The following OPCML variants were observed in gnomAD, a reference collection of about 807,000 sequenced individuals.
OPCML encodes the protein opioid binding protein/cell adhesion molecule like, also known as opioid-binding protein/cell adhesion molecule.
A neutral mutation model predicts 37.8 loss-of-function variants in OPCML; 13 were observed. That is an observed-to-expected ratio of 0.34 (90% CI 0.22 to 0.55). OPCML has a LOEUF of 0.55. OPCML is among the 20% of genes least tolerant of loss of function. The pLI is 0.91. For missense variants in OPCML, 341 were observed against 435.6 expected, an observed-to-expected ratio of 0.78 and a Z score of 1.93; for synonymous variants, 176 against 168.8, an observed-to-expected ratio of 1.04 and a Z score of -0.33.
intron 4 of OPCML, among the ~76,000 whole-genome samples, chr11:132,437,823 C>T (rs1456713528): frequency 6.6e-6 from 1 of 152,198 alleles, no homozygotes; most frequent in South Asian, 2.1e-4. Flanking sequence ...ATACAAACTA[C>T]TACTTGTAGA....
At chr11:132,476,346 A>G (rs1006706820) in intron 4 of OPCML, among the ~76,000 whole-genome samples, 3 of 152,034 alleles carry the variant, frequency 2.0e-5, no homozygotes, top group Non-Finnish European at 4.4e-5. Flanking sequence ...CTGGGTATAT[A>G]CCCAAAGGAC....
rs1231529620 is a variant in OPCML, at chr11:133,212,121, C to A, written c.62-269111G>T. Reference sequence around the variant, plus strand: ...GAGGTGGGGGGTCAGGATCCTTCACCTGCTGGAACCTGAGCATGAAAGTAC... The same window carrying A: ...GAGGTGGGGGGTCAGGATCCTTCACATGCTGGAACCTGAGCATGAAAGTAC... On this transcript the variant is annotated intron_variant, in intron 1 of 7. Coordinates refer to ENST00000524381, the MANE Select transcript of OPCML (RefSeq NM_001012393.5). This position sits in a 1 kb window ranked among gnomAD's most constrained non-coding sequence, Gnocchi z 4.9. 6.7e-6 allele frequency among the ~76,000 whole-genome samples: 1 copy of A among 149,430 alleles called. No homozygotes were observed. Among genetic ancestry groups the A allele is most frequent in the African/African-American group, 2.6e-5 (1 of 38,874 alleles).
chr11:133,374,406 T>C (rs891066868), intron 1 of OPCML, among the ~76,000 whole-genome samples: 58 of 152,182 alleles, frequency 3.8e-4, no homozygotes, highest in Admixed American at 6.5e-4. Context: ...CTTCACTATA[T>C]TGGTTGTGAT....
chr11:132,657,097 T>C lies in OPCML; in HGVS notation c.369A>G (p.Leu123=). Residue 123 remains leucine, a synonymous_variant, in exon 3 of 8, where the codon CTA becomes CTG. Coordinates refer to ENST00000524381, the MANE Select transcript of OPCML (RefSeq NM_001012393.5). ...DNHPKTSRVH[L]IVQVPPQIMN... ...CCAGCTGGGACTTACCTTGCACTAT[T>C]AGGTGAACCCGGGACGTTTTGGGAT... 2.5e-6 allele frequency: 4 copies of C among 1,614,160 alleles called. No homozygotes were observed. Among genetic ancestry groups the C allele is most frequent in the Non-Finnish European group, 8.5e-7 (1 of 1,179,998 alleles).
At chr11:133,453,232 C>A (rs922950347) in intron 1 of OPCML, among the ~76,000 whole-genome samples, 4 of 152,116 alleles carry the variant, frequency 2.6e-5, no homozygotes, top group Non-Finnish European at 5.9e-5. Context: ...TGAAGCCTAT[C>A]AAAAATAAAG....
chr11:133,151,863 C>T (rs2137192784), intron 1 of OPCML, among the ~76,000 whole-genome samples: 1 of 152,244 alleles, frequency 6.6e-6, no homozygotes, highest in East Asian at 1.9e-4. Context: ...AGACCCCAGG[C>T]CCTCAGAAAC....
chr11:133,186,121 G>A (rs890211727), intron 1 of OPCML, among the ~76,000 whole-genome samples: 2 of 152,168 alleles, frequency 1.3e-5, no homozygotes, highest in Non-Finnish European at 2.9e-5. Flanking sequence ...GTTTGTTCAT[G>A]AGACTTGGCT....
At chr11:132,584,040 T>A (rs1039004228) in intron 3 of OPCML, among the ~76,000 whole-genome samples, 2 of 151,960 alleles carry the variant, frequency 1.3e-5, no homozygotes, top group Non-Finnish European at 2.9e-5. Flanking sequence ...AGCATATTAA[T>A]TCAAAAATCA....
At chr11:133,464,428 T>C (rs1243692570) in intron 1 of OPCML, among the ~76,000 whole-genome samples, 1 of 152,054 alleles carries the variant, frequency 6.6e-6, no homozygotes, top group Non-Finnish European at 1.5e-5. Flanking sequence ...TAAGAAAATA[T>C]GATGGGTTTG....
At chr11:133,484,146 GGATAGATAGATA>G (rs944894584) in intron 1 of OPCML, among the ~76,000 whole-genome samples, 1 of 125,242 alleles carries the variant, frequency 8.0e-6, no homozygotes, top group Non-Finnish European at 1.7e-5. Context: ...GATGATAGAT[GGATAGATAGATA>G]GATAGGTAGA....
chr11:132,749,907 C>CA (rs1300447406), intron 2 of OPCML, among the ~76,000 whole-genome samples: 4 of 152,024 alleles, frequency 2.6e-5, no homozygotes, highest in Non-Finnish European at 5.9e-5. Flanking sequence ...TATGTGGAGA[C>CA]AGAGTCTCAC....
intron 1 of OPCML, among the ~76,000 whole-genome samples, chr11:133,183,401 T>C (rs1458099806): frequency 6.6e-6 from 1 of 152,212 alleles, no homozygotes; most frequent in Non-Finnish European, 1.5e-5. Flanking sequence ...CCTAAACCTG[T>C]AGGATTTCCT....
At chr11:132,562,117 A>G (rs564413115) in intron 3 of OPCML, among the ~76,000 whole-genome samples, 4 of 152,160 alleles carry the variant, frequency 2.6e-5, no homozygotes, top group African/African-American at 4.8e-5. Context: ...TTGAGTTGTA[A>G]TATGTGTTCT....
intron 2 of OPCML, among the ~76,000 whole-genome samples, chr11:132,837,693 A>G (rs996052165): frequency 2.0e-5 from 3 of 152,218 alleles, no homozygotes; most frequent in African/African-American, 7.2e-5. Flanking sequence ...GAGAGGAAAC[A>G]GGAAAGACTC....
chr11:133,249,115 G>T (rs1317051278), intron 1 of OPCML, among the ~76,000 whole-genome samples: 1 of 152,130 alleles, frequency 6.6e-6, no homozygotes, highest in African/African-American at 2.4e-5. Flanking sequence ...GTTTTGTGTT[G>T]CTATAAAGGA....
chr11:132,428,435 C>G (rs984625697), intron 7 of OPCML, among the ~76,000 whole-genome samples: 1 of 152,154 alleles, frequency 6.6e-6, no homozygotes, highest in Non-Finnish European at 1.5e-5. Flanking sequence ...GAAAATGACA[C>G]AAACAAAATA....
chr11:132,917,098 C>A (rs2136565304), intron 2 of OPCML, among the ~76,000 whole-genome samples: 1 of 152,256 alleles, frequency 6.6e-6, no homozygotes, highest in South Asian at 2.1e-4. Context: ...CTGTGGCTAG[C>A]AAGGCTGGCT....
At chr11:132,892,055 C>T (rs910517417) in intron 2 of OPCML, among the ~76,000 whole-genome samples, 1 of 152,162 alleles carries the variant, frequency 6.6e-6, no homozygotes. Flanking sequence ...AATACTAAGT[C>T]GATGCAAAGC....
At chr11:132,898,748 C>T (rs943204454) in intron 2 of OPCML, among the ~76,000 whole-genome samples, 5 of 152,144 alleles carry the variant, frequency 3.3e-5, no homozygotes, top group African/African-American at 4.8e-5. Context: ...TGATTTTATG[C>T]TCTGCTGACC....
Sources: gnomAD v4.1 joint callset for allele counts (sites outside exome capture counted in the v4.1 genomes callset) on GRCh38, gnomAD v4.1.1 for gene constraint, Gnocchi (gnomAD v3.1) non-coding constraint, MANE v1.5 for transcripts, NCBI Gene and HGNC (gene_info 2026-07-23, HGNC 2026-07-21) for gene names.